EPHB2: variants seen among roughly 807,000 people sequenced by gnomAD.
EPHB2 encodes the protein ephrin type-B receptor 2.
A neutral mutation model predicts 96.4 loss-of-function variants in EPHB2; 18 were observed. That is an observed-to-expected ratio of 0.19 (90% CI 0.13 to 0.28). The LOEUF (loss-of-function observed/expected upper bound fraction) is 0.28, where lower values mean the gene tolerates loss of function less well. EPHB2 is among the 10% of genes least tolerant of loss of function. EPHB2 has a pLI of 1.00. For synonymous variants in EPHB2, 506 were observed against 534.1 expected, an observed-to-expected ratio of 0.95 and a Z score of 0.72; for missense variants, 989 against 1,355.4, an observed-to-expected ratio of 0.73 and a Z score of 4.25.
intron 3 of EPHB2, among the ~76,000 whole-genome samples, chr1:22,805,037 C>T (rs1238437825): frequency 6.6e-6 from 1 of 151,640 alleles, no homozygotes. Context: ...GACATGCCCC[C>T]CAACCTCCCC....
chr1:22,753,548 C>T (rs191423845), intron 1 of EPHB2, among the ~76,000 whole-genome samples: 23 of 152,278 alleles, frequency 1.5e-4, no homozygotes, highest in African/African-American at 4.6e-4. Context: ...CTCCCATGAG[C>T]CGAGTCGGAA....
chr1:22,913,903 A>G lies in EPHB2; in HGVS notation c.*333A>G, dbSNP rs1640196516. Reference sequence around the variant, plus strand: ...CTTGGGAGATTCATGCGATGTGTCCAATCGGAGACAAAAGCAGTTTCTCTC... The same window carrying G: ...CTTGGGAGATTCATGCGATGTGTCCGATCGGAGACAAAAGCAGTTTCTCTC... On this transcript the variant is annotated 3_prime_UTR_variant, in exon 16 of 16. Transcript: ENST00000374630. This position sits in a 1 kb window ranked among gnomAD's most constrained non-coding sequence, Gnocchi z 4.1. The G allele has an allele frequency of 2.6e-6, 4 of 1,535,544 alleles. No homozygotes were observed. The African/African-American group carries it at 5.5e-5, about 21-fold the overall frequency.
At chr1:22,883,648 G>A (rs763561243) in intron 6 of EPHB2, among the ~76,000 whole-genome samples, 1 of 152,190 alleles carries the variant, frequency 6.6e-6, no homozygotes, top group African/African-American at 2.4e-5. Flanking sequence ...TCCTGCTGGA[G>A]CCCAACTTTC....
In EPHB2 at chr1:22,724,435, A is replaced by G. The variant is rs551324184; in HGVS notation, c.61+13392A>G. 1.6e-4 allele frequency among the ~76,000 whole-genome samples: 24 copies of G among 152,314 alleles called. No homozygotes were observed. In the East Asian group the frequency reaches 4.2e-3, roughly 27 times the overall value. On this transcript the variant is annotated intron_variant, in intron 1 of 15. Coordinates refer to ENST00000374630, the MANE Select transcript of EPHB2 (RefSeq NM_017449.5). ...TTGAGTATTGGCAGCGACCAGGAAGAGTAACTGGTCTTACCCGCAGCTTAC... is the reference window on the plus strand; with the variant it reads ...TTGAGTATTGGCAGCGACCAGGAAGGGTAACTGGTCTTACCCGCAGCTTAC...
intron 9 of EPHB2, among the ~76,000 whole-genome samples, chr1:22,901,820 AGTGTGTGTGTGT>A (rs57503593): frequency 6.7e-6 from 1 of 148,458 alleles, no homozygotes; most frequent in Non-Finnish European, 1.5e-5. Context: ...TGTGTGTGTG[AGTGTGTGTGTGT>A]GTGTGTGTGT....
intron 6 of EPHB2, among the ~76,000 whole-genome samples, chr1:22,884,967 G>A (rs1346743309): frequency 6.6e-6 from 1 of 152,094 alleles, no homozygotes; most frequent in Non-Finnish European, 1.5e-5. Flanking sequence ...ATCTTGCCAT[G>A]ATCTCTGCTG....
chr1:22,829,156 C>T (rs374327568), intron 3 of EPHB2, among the ~76,000 whole-genome samples: 1 of 152,264 alleles, frequency 6.6e-6, no homozygotes, highest in African/African-American at 2.4e-5. Context: ...TGACTCGTTA[C>T]TCCTCAGAGC....
intron 5 of EPHB2, among the ~76,000 whole-genome samples, chr1:22,880,339 G>A (rs1046741042): frequency 1.3e-5 from 2 of 152,202 alleles, no homozygotes; most frequent in African/African-American, 4.8e-5. Flanking sequence ...CATATGGTCA[G>A]AGCCCCTGCA....
In EPHB2 at chr1:22,918,123, G is replaced by C. The variant is rs542340967; in HGVS notation, c.*4553G>C. On this transcript the variant is annotated 3_prime_UTR_variant, in exon 16 of 16. Transcript: ENST00000374630. This position sits in a 1 kb window ranked among gnomAD's most constrained non-coding sequence, Gnocchi z 4.2. ...AAGCACCAGTTCAGCCATCAGATGG[G>C]GCAGGATGCCTCCCAGCTACTCCTC... 6.6e-6 allele frequency: 1 copy of C among 152,344 alleles called. No individual in the cohort carries two copies. Among genetic ancestry groups the C allele is most frequent in the East Asian group, 1.9e-4 (1 of 5,176 alleles). 9.4% of individuals were successfully genotyped at this position (152,344 alleles called of 1,614,324 possible). A position where few individuals can be genotyped will look rare whatever the true frequency, so the allele number is the denominator to read the frequency against.
intron 3 of EPHB2, among the ~76,000 whole-genome samples, chr1:22,803,410 T>C (rs1644873149): frequency 6.6e-6 from 1 of 151,858 alleles, no homozygotes; most frequent in Admixed American, 6.6e-5. Context: ...GGTTCAAGAC[T>C]AGCCTGGGCA....
At position 22,906,566 on chromosome 1, in the gene EPHB2, A is replaced by G. The variant is rs1639922694; in HGVS notation, c.1889-144A>G. 9 of 1,297,018 alleles carry G rather than the reference A, an allele frequency of 6.9e-6. No individual in the cohort carries two copies. In the South Asian group the frequency reaches 1.1e-4, roughly 16 times the overall value. 80.3% of individuals were successfully genotyped at this position (1,297,018 alleles called of 1,614,324 possible). On this transcript the variant is annotated intron_variant, in intron 10 of 15. Coordinates refer to ENST00000374630, the MANE Select transcript of EPHB2 (RefSeq NM_017449.5). This position sits in a 1 kb window ranked among gnomAD's most constrained non-coding sequence, Gnocchi z 4.8. The stretch of plus-strand genomic sequence containing the variant: ...TTTTCTGGACCCCTGACATTCTTGA[A>G]GGGGTTCTGTGTCTGCAAGGATGAG...
intron 5 of EPHB2, among the ~76,000 whole-genome samples, chr1:22,871,474 G>A (rs1638664208): frequency 6.6e-6 from 1 of 152,208 alleles, no homozygotes; most frequent in Non-Finnish European, 1.5e-5. Flanking sequence ...TCCAAGCTGT[G>A]TAGCCAGGAT....
chr1:22,818,486 T>A (rs570926104), intron 3 of EPHB2, among the ~76,000 whole-genome samples: 17 of 152,068 alleles, frequency 1.1e-4, no homozygotes, highest in Non-Finnish European at 2.2e-4. Context: ...TCCAGAACCA[T>A]CTTTCTAAAA....
chr1:22,872,820 G>A (rs1225283795), intron 5 of EPHB2, among the ~76,000 whole-genome samples: 1 of 152,224 alleles, frequency 6.6e-6, no homozygotes, highest in Non-Finnish European at 1.5e-5. Flanking sequence ...GCATGAACGT[G>A]TACTCACCTA....
At chr1:22,711,298 C>T (rs1222411946) in intron 1 of EPHB2, among the ~76,000 whole-genome samples, 5 of 147,640 alleles carry the variant, frequency 3.4e-5, no homozygotes, top group Admixed American at 2.0e-4. Flanking sequence ...GTAGCCAGCC[C>T]GGCGAGCGCC....
At chr1:22,820,886 A>G (rs764125772) in intron 3 of EPHB2, among the ~76,000 whole-genome samples, 4 of 152,250 alleles carry the variant, frequency 2.6e-5, no homozygotes, top group Non-Finnish European at 5.9e-5. Context: ...TAGTAGAACT[A>G]GGACTCAAAC....
intron 5 of EPHB2, among the ~76,000 whole-genome samples, chr1:22,866,972 C>A (rs538133974): frequency 6.6e-6 from 1 of 152,250 alleles, no homozygotes; most frequent in Non-Finnish European, 1.5e-5. Flanking sequence ...ACTGACTCCA[C>A]CTGGTTGAGG....
In EPHB2 at chr1:22,784,858, C is replaced by A. The variant is rs775538924; in HGVS notation, c.593C>A (p.Pro198His). ...IAVRVFYRKCPRIIQNGAIFQ... is the reference protein window; with the variant it reads ...IAVRVFYRKCHRIIQNGAIFQ... ...GTGCGTGTCTTCTACCGCAAGTGCCCCCGCATCATCCAGAATGGCGCCATC... is the reference window on the plus strand; with the variant it reads ...GTGCGTGTCTTCTACCGCAAGTGCCACCGCATCATCCAGAATGGCGCCATC... The change falls in exon 3 of 16, where the codon CCC becomes CAC. Residue 198 changes from proline (P) to histidine (H), a missense_variant. Pro to His is a moderately conservative substitution (Grantham distance 77). Transcript: ENST00000374630. This position sits in a 1 kb window ranked among gnomAD's most constrained non-coding sequence, Gnocchi z 5.1. The A allele has an allele frequency of 2.3e-5, 37 of 1,611,766 alleles. No homozygotes were observed. The highest frequency in any genetic ancestry group is 5.1e-6 in the Non-Finnish European group (6 of 1,178,756).
intron 1 of EPHB2, among the ~76,000 whole-genome samples, chr1:22,735,072 G>A (rs893577118): frequency 2.6e-5 from 4 of 152,162 alleles, no homozygotes; most frequent in African/African-American, 7.2e-5. Flanking sequence ...CTGCTCTACC[G>A]ACTCCTGTGG....
Sources: gnomAD v4.1 joint callset for allele counts (sites outside exome capture counted in the v4.1 genomes callset) on GRCh38, gnomAD v4.1.1 for gene constraint, Gnocchi (gnomAD v3.1) non-coding constraint, MANE v1.5 for transcripts, NCBI Gene and HGNC (gene_info 2026-07-23, HGNC 2026-07-21) for gene names.